PDZD8: variants seen among roughly 807,000 people sequenced by gnomAD.
PDZD8 encodes PDZ domain containing 8.
In PDZD8, 14 loss-of-function variants were observed where a neutral mutation model predicts 85.8. The ratio of observed to expected loss-of-function variants is 0.16; its 90% confidence interval spans 0.11 to 0.26. PDZD8 has a LOEUF of 0.26. Among genes scored for constraint, PDZD8 ranks in the 10% least tolerant of loss-of-function variants. PDZD8 has a pLI of 1.00. For synonymous variants in PDZD8, 592 were observed against 568.6 expected, an observed-to-expected ratio of 1.04 and a Z score of -0.59; for missense variants, 1,197 against 1,424.3, an observed-to-expected ratio of 0.84 and a Z score of 2.57.
At chr10:117,307,441 A>G (rs1843963125) in intron 3 of PDZD8, among the ~76,000 whole-genome samples, 1 of 152,064 alleles carries the variant, frequency 6.6e-6, no homozygotes, top group African/African-American at 2.4e-5. Context: ...CACTCTCAGT[A>G]TTGATCAACT....
chr10:117,291,852 T>C (rs1054847074), intron 3 of PDZD8, among the ~76,000 whole-genome samples: 2 of 69,430 alleles, frequency 2.9e-5, no homozygotes, highest in African/African-American at 4.2e-5. Flanking sequence ...TTCAAACAAC[T>C]GATTTAAAAA....
chr10:117,335,366 A>AGG, intron 2 of PDZD8, among the ~76,000 whole-genome samples: 1 of 152,218 alleles, frequency 6.6e-6, no homozygotes, highest in Non-Finnish European at 1.5e-5. Flanking sequence ...ATTTTGATAT[A>AGG]AAAGAAGAAA....
intron 4 of PDZD8, among the ~76,000 whole-genome samples, chr10:117,289,689 C>T (rs1844722743): frequency 6.6e-6 from 1 of 152,168 alleles, no homozygotes; most frequent in East Asian, 1.9e-4. Context: ...AAATGGCTGG[C>T]CATTTAGATG....
Position 117,284,941 on chromosome 10 carries a change from T to C in PDZD8, c.1792A>G (p.Lys598Glu). The C allele has an allele frequency of 6.2e-7, 1 of 1,614,166 alleles. No individual in the cohort carries two copies. Among genetic ancestry groups the C allele is most frequent in the South Asian group, 1.1e-5 (1 of 91,084 alleles). The stretch of plus-strand genomic sequence containing the variant: ...GCATCGGCGGAAGGCAAAGGAACTT[T>C]CGCTTGTGGTCGTGGTGGCACAGGT... Reference protein sequence around the residue: ...KPPVPPRPQAKVPLPSADAPN... With the variant: ...KPPVPPRPQAEVPLPSADAPN... The change falls in exon 5 of 5, where the codon AAA (lysine) becomes GAA (glutamate). Residue 598 changes from lysine (K) to glutamate (E), a missense_variant. Around this residue, in one of 4 missense-constraint regions of PDZD8, gnomAD observed 263 missense variants for 261.9 expected, o/e 1.00. Coordinates refer to ENST00000334464, the MANE Select transcript of PDZD8 (RefSeq NM_173791.5).
chr10:117,279,851 C>T lies in PDZD8; in HGVS notation c.*3417G>A, dbSNP rs1844553989. 1 of 152,132 alleles carries T rather than the reference C, an allele frequency of 6.6e-6. No individual in the cohort carries two copies. Among genetic ancestry groups the T allele is most frequent in the Non-Finnish European group, 1.5e-5 (1 of 68,022 alleles). The allele number at this position is 152,132 out of a possible 1,614,324, so 9.4% of individuals were successfully genotyped here. On this transcript the variant is annotated 3_prime_UTR_variant, in exon 5 of 5. Coordinates refer to ENST00000334464, the MANE Select transcript of PDZD8 (RefSeq NM_173791.5). ...GAAAGTCCACATCTTTAATCAGATCCTAAAAGCGGATCTATGGCCCAAAAG... is the reference window on the plus strand; with the variant it reads ...GAAAGTCCACATCTTTAATCAGATCTTAAAAGCGGATCTATGGCCCAAAAG...
At position 117,325,404 on chromosome 10, in the gene PDZD8, C is replaced by T. The variant is rs1589567164; in HGVS notation, c.996-6430G>A. On this transcript the variant is annotated intron_variant, in intron 2 of 4. Coordinates refer to ENST00000334464, the MANE Select transcript of PDZD8 (RefSeq NM_173791.5). ...CTATCAAAAGTTCCAGAAAAGCCAA[C>T]TTTTTTTTTTTTTTTTGAGACAGAG... Among the ~76,000 whole-genome samples the T allele has an allele frequency of 5.1e-4, 51 of 99,828 alleles. 1 individual carries two copies. Among genetic ancestry groups the T allele is most frequent in the South Asian group, 1.1e-3 (3 of 2,856 alleles). The allele number at this position is 99,828 out of a possible 152,430, so 65.5% of individuals were successfully genotyped here. A position where few individuals can be genotyped will look rare whatever the true frequency, so the allele number is the denominator to read the frequency against.
rs1287585599 is a variant in PDZD8, at chr10:117,374,181, C to T, written c.872+175G>A. Among the ~76,000 whole-genome samples the T allele has an allele frequency of 6.6e-6, 1 of 152,206 alleles. No individual in the cohort carries two copies. The highest frequency in any genetic ancestry group is 1.5e-5 in the Non-Finnish European group (1 of 68,046). On this transcript the variant is annotated intron_variant, in intron 1 of 4. Transcript: ENST00000334464. The surrounding 1 kb of genome is among the most constrained non-coding windows in gnomAD (Gnocchi z 7.8). ...GTTTCTAGCTCCTATCAATGCCGTT[C>T]GGAAGCAAAGCAAGTGTTCACGACT...
rs1844575790 is a variant in PDZD8 at position 117,281,436 on chromosome 10, G to T, written c.*1832C>A. ...TAATGAAGTATACTGAGATGTTTTT[G>T]TTATAAACTTGGCTAAGAAAGGTAT... On this transcript the variant is annotated 3_prime_UTR_variant, in exon 5 of 5. Coordinates refer to ENST00000334464, the MANE Select transcript of PDZD8 (RefSeq NM_173791.5). 6.8e-6 allele frequency: 1 copy of T among 146,572 alleles called. No individual in the cohort carries two copies. The highest frequency in any genetic ancestry group is 2.6e-5 in the African/African-American group (1 of 38,804). The allele number at this position is 146,572 out of a possible 1,614,324, so 9.1% of individuals were successfully genotyped here.
At chr10:117,317,437 C>T (rs1844148449) in intron 3 of PDZD8, among the ~76,000 whole-genome samples, 3 of 152,126 alleles carry the variant, frequency 2.0e-5, no homozygotes, top group Non-Finnish European at 4.4e-5. Flanking sequence ...ACATTTTCAA[C>T]ATCAGATATA....
intron 1 of PDZD8, among the ~76,000 whole-genome samples, chr10:117,363,082 C>T (rs1845025027): frequency 6.6e-6 from 1 of 152,026 alleles, no homozygotes; most frequent in Non-Finnish European, 1.5e-5. Context: ...ATTTTCAGTG[C>T]ATTATAAAAA....
At chr10:117,322,130 G>C (rs983083297) in intron 2 of PDZD8, among the ~76,000 whole-genome samples, 7 of 152,114 alleles carry the variant, frequency 4.6e-5, no homozygotes, top group African/African-American at 1.7e-4. Context: ...CAAAAATTAT[G>C]GGAGGCCATT....
Position 117,284,372 on chromosome 10 carries a change from A to T in PDZD8, c.2361T>A (p.Gly787=). Residue 787 remains glycine, a synonymous_variant, in exon 5 of 5, where the codon GGT becomes GGA. Transcript: ENST00000334464. The stretch of plus-strand genomic sequence containing the variant: ...AATATTTGAAGTGAATAGTAATGTC[A>T]CCATAGCAAAATTTGTCATTGAATC... ...QKGFNDKFCY[G]DITIHFKYLK... 6.2e-7 allele frequency: 1 copy of T among 1,614,146 alleles called. No individual in the cohort carries two copies. Among genetic ancestry groups the T allele is most frequent in the East Asian group, 2.2e-5 (1 of 44,874 alleles).
chr10:117,354,533 T>C (rs1051706521), intron 1 of PDZD8, among the ~76,000 whole-genome samples: 4 of 151,866 alleles, frequency 2.6e-5, no homozygotes, highest in African/African-American at 4.9e-5. Flanking sequence ...TAAACTATTC[T>C]GTAAGTTACC....
chr10:117,340,673 T>A (rs1322252483), intron 2 of PDZD8, among the ~76,000 whole-genome samples: 1 of 152,188 alleles, frequency 6.6e-6, no homozygotes, highest in African/African-American at 2.4e-5. Flanking sequence ...TAATTTTCTC[T>A]TTAACATAGG....
chr10:117,296,114 G>A (rs1589547933), intron 3 of PDZD8, among the ~76,000 whole-genome samples: 1 of 151,992 alleles, frequency 6.6e-6, no homozygotes, highest in East Asian at 1.9e-4. Context: ...GCTATTAAGT[G>A]AAATTAAGTC....
chr10:117,291,915 G>A (rs537985437), intron 3 of PDZD8, among the ~76,000 whole-genome samples: 3 of 151,150 alleles, frequency 2.0e-5, no homozygotes, highest in African/African-American at 7.3e-5. Flanking sequence ...TTCAATTAGT[G>A]TTTATGGCGC....
intron 2 of PDZD8, among the ~76,000 whole-genome samples, chr10:117,327,088 C>G (rs984020968): frequency 6.6e-6 from 1 of 152,124 alleles, no homozygotes; most frequent in South Asian, 2.1e-4. Flanking sequence ...ATCCGTGAAA[C>G]GTCAAATGGT....
chr10:117,354,018 C>T (rs1445061700), intron 1 of PDZD8, among the ~76,000 whole-genome samples: 1 of 152,146 alleles, frequency 6.6e-6, no homozygotes, highest in African/African-American at 2.4e-5. Context: ...CTCTTACTGG[C>T]ACCACCAATT....
intron 3 of PDZD8, among the ~76,000 whole-genome samples, chr10:117,318,414 C>G (rs1010201442): frequency 6.6e-6 from 1 of 152,134 alleles, no homozygotes; most frequent in Non-Finnish European, 1.5e-5. Flanking sequence ...CTCTTCTAAT[C>G]CCCATACCAC....
Sources: allele counts gnomAD v4.1 joint callset (sites outside exome capture counted in the v4.1 genomes callset), GRCh38; gene constraint gnomAD v4.1.1; regional missense constraint gnomAD v4.1.1; non-coding constraint Gnocchi (gnomAD v3.1); transcripts MANE v1.5; gene names NCBI Gene and HGNC (gene_info 2026-07-23, HGNC 2026-07-21).